HDAC9: variants seen among roughly 807,000 people sequenced by gnomAD.
HDAC9 encodes the protein MEF-2 interacting transcription repressor (MITR) protein.
In HDAC9, 41 loss-of-function variants were observed where a neutral mutation model predicts 139.4. That is an observed-to-expected ratio of 0.29 (90% CI 0.23 to 0.38). The LOEUF (loss-of-function observed/expected upper bound fraction) is 0.38, where lower values mean the gene tolerates loss of function less well. Ranked by LOEUF, HDAC9 falls within the 10% of genes least tolerant of loss-of-function variation. The probability of loss-of-function intolerance (pLI) is 1.00; values close to 1 mark genes in which losing one functional copy is unlikely to be tolerated. For synonymous variants in HDAC9, 517 were observed against 476.2 expected, an observed-to-expected ratio of 1.09 and a Z score of -1.12; for missense variants, 1,147 against 1,297.0, an observed-to-expected ratio of 0.88 and a Z score of 1.78.
chr7:18,129,134 T>G (rs1784852895), intron 1 of HDAC9, among the ~76,000 whole-genome samples: 1 of 152,160 alleles, frequency 6.6e-6, no homozygotes, highest in South Asian at 2.1e-4. Flanking sequence ...TCTTACCTAC[T>G]ATTTGTATGG....
At chr7:18,394,379 GCTCA>G (rs1786830740) in intron 1 of HDAC9, among the ~76,000 whole-genome samples, 1 of 152,082 alleles carries the variant, frequency 6.6e-6, no homozygotes, top group Non-Finnish European at 1.5e-5. Flanking sequence ...TAGAGATATT[GCTCA>G]GCATCATTTT....
intron 1 of HDAC9, among the ~76,000 whole-genome samples, chr7:18,296,620 G>A (rs542199575): frequency 1.7e-4 from 26 of 152,184 alleles, no homozygotes; most frequent in Non-Finnish European, 2.6e-4. Context: ...ATCCCCAAAC[G>A]AAGTATGAAA....
At chr7:18,101,033 G>T (rs758979886) in intron 1 of HDAC9, among the ~76,000 whole-genome samples, 1 of 152,076 alleles carries the variant, frequency 6.6e-6, no homozygotes, top group African/African-American at 2.4e-5. Flanking sequence ...TGAGTGCTGG[G>T]TACTGTTCCC....
chr7:18,280,276 A>T (rs992613610), intron 2 of HDAC9, among the ~76,000 whole-genome samples: 4 of 151,906 alleles, frequency 2.6e-5, no homozygotes, highest in African/African-American at 7.2e-5. Flanking sequence ...ACATAGTGTG[A>T]CTCCATCTCT....
intron 17 of HDAC9, among the ~76,000 whole-genome samples, chr7:18,820,780 G>A (rs112973500): frequency 9.2e-5 from 14 of 152,242 alleles, no homozygotes; most frequent in East Asian, 1.9e-4. Flanking sequence ...GACATTAATC[G>A]TGTAATAAAC....
intron 1 of HDAC9, among the ~76,000 whole-genome samples, chr7:18,473,234 A>G (rs1794859887): frequency 6.6e-6 from 1 of 152,336 alleles, no homozygotes; most frequent in Non-Finnish European, 1.5e-5. Context: ...CAGTATCTGT[A>G]TCAGCATGTT....
chr7:18,198,725 A>T (rs1790896817), intron 2 of HDAC9, among the ~76,000 whole-genome samples: 1 of 152,172 alleles, frequency 6.6e-6, no homozygotes, highest in Non-Finnish European at 1.5e-5. Context: ...TTTCCAAAAA[A>T]TAGTTTGGAG....
chr7:18,703,347 T>A (rs1201944449), intron 12 of HDAC9, among the ~76,000 whole-genome samples: 1 of 152,144 alleles, frequency 6.6e-6, no homozygotes, highest in Non-Finnish European at 1.5e-5. Flanking sequence ...TTATAGATAT[T>A]CATATATCAA....
rs889939148 is a variant in HDAC9, at chr7:18,508,621, A to G, written c.22+12297A>G. Among the ~76,000 whole-genome samples, 4 of 16,708 alleles carry G rather than the reference A, an allele frequency of 2.4e-4. No individual in the cohort carries two copies. The African/African-American group carries it at 3.1e-3, about 13-fold the overall frequency. 11.0% of individuals were successfully genotyped at this position (16,708 alleles called of 152,430 possible). A position where few individuals can be genotyped will look rare whatever the true frequency, so the allele number is the denominator to read the frequency against. Reference sequence around the variant, plus strand: ...GTCCCTCATCTCACCTGCCCTGTCAATTGTGCTTAACATTTCTTACCCAAG... The same window carrying G: ...GTCCCTCATCTCACCTGCCCTGTCAGTTGTGCTTAACATTTCTTACCCAAG... On this transcript the variant is annotated intron_variant, in intron 2 of 25. Coordinates refer to ENST00000686413, the MANE Select transcript of HDAC9 (RefSeq NM_178425.4).
chr7:18,970,645 C>T (rs1050053835), intron 24 of HDAC9, among the ~76,000 whole-genome samples: 5 of 152,036 alleles, frequency 3.3e-5, no homozygotes, highest in East Asian at 1.9e-4. Context: ...ATCTTAAAAA[C>T]GTATTAAGTT....
intron 24 of HDAC9, among the ~76,000 whole-genome samples, chr7:18,964,781 A>C (rs948024035): frequency 6.6e-6 from 1 of 152,190 alleles, no homozygotes; most frequent in African/African-American, 2.4e-5. Context: ...CTCACTGACT[A>C]TCATGAGAAC....
At chr7:18,264,132 A>G (rs564983499) in intron 2 of HDAC9, among the ~76,000 whole-genome samples, 1 of 152,330 alleles carries the variant, frequency 6.6e-6, no homozygotes, top group South Asian at 2.1e-4. Context: ...TACATAATGG[A>G]CAGAACATCC....
chr7:18,585,129 A>T, intron 2 of HDAC9, 152 bp from the exon 3 acceptor site: 2 of 846,236 alleles, frequency 2.4e-6, no homozygotes, highest in South Asian at 1.7e-5. Context: ...AAATGACTTT[A>T]TATCATCATT....
intron 1 of HDAC9, among the ~76,000 whole-genome samples, chr7:18,116,883 G>C (rs1188406996): frequency 6.6e-6 from 1 of 152,198 alleles, no homozygotes; most frequent in Non-Finnish European, 1.5e-5. Context: ...ATTTGATACA[G>C]TGAGTGGGAA....
At chr7:18,106,870 T>C (rs374764921) in intron 1 of HDAC9, among the ~76,000 whole-genome samples, 2 of 152,194 alleles carry the variant, frequency 1.3e-5, no homozygotes, top group East Asian at 3.9e-4. Flanking sequence ...TCCCTTTTTA[T>C]ACACCAGTGC....
chr7:18,585,548 C>A, intron 3 of HDAC9, 26 bp downstream of exon 3: 1 of 1,609,476 alleles, frequency 6.2e-7, no homozygotes, highest in Non-Finnish European at 8.5e-7. Flanking sequence ...TTGTCTGTGA[C>A]CTTACTCAGG....
At chr7:18,124,420 A>T (rs772056051) in intron 1 of HDAC9, among the ~76,000 whole-genome samples, 1 of 152,158 alleles carries the variant, frequency 6.6e-6, no homozygotes, top group Non-Finnish European at 1.5e-5. Flanking sequence ...AGATTTGTTT[A>T]TTCCTCAGTT....
At chr7:18,192,560 T>C (rs942886082) in intron 2 of HDAC9, among the ~76,000 whole-genome samples, 1 of 152,156 alleles carries the variant, frequency 6.6e-6, no homozygotes, top group Admixed American at 6.6e-5. Flanking sequence ...GTAGGGGTTA[T>C]ATCATTTCAC....
intron 2 of HDAC9, among the ~76,000 whole-genome samples, chr7:18,528,109 G>A (rs951661664): frequency 2.6e-5 from 4 of 151,832 alleles, no homozygotes; most frequent in African/African-American, 7.3e-5. Context: ...AGACCAGGCT[G>A]AGCAATAAAG....
Sources: allele counts gnomAD v4.1 joint callset (sites outside exome capture counted in the v4.1 genomes callset), GRCh38; gene constraint gnomAD v4.1.1; transcripts MANE v1.5; gene names NCBI Gene and HGNC (gene_info 2026-07-23, HGNC 2026-07-21).